PIK3CD: variants seen among roughly 807,000 people sequenced by gnomAD.
The protein encoded by PIK3CD is phosphatidylinositol 4,5-bisphosphate 3-kinase catalytic subunit delta isoform.
PIK3CD carries 20 observed loss-of-function variants against 122.9 expected under a neutral mutation model. The ratio of observed to expected loss-of-function variants is 0.16; its 90% confidence interval spans 0.11 to 0.24. The LOEUF is 0.24. PIK3CD is among the 10% of genes least tolerant of loss of function. PIK3CD has a pLI of 1.00. For missense variants in PIK3CD, 787 were observed against 1,406.3 expected, an observed-to-expected ratio of 0.56 and a Z score of 7.04; for synonymous variants, 596 against 593.4, an observed-to-expected ratio of 1.00 and a Z score of -0.06.
chr1:9,716,024 C>A lies in PIK3CD; in HGVS notation c.546C>A (p.Thr182=), dbSNP rs1312081809. The change falls in exon 5 of 24, where the codon ACC becomes ACA. Residue 182 remains threonine, a synonymous_variant. Transcript: ENST00000377346. ...EPSAQTWGPG[T]LRLPNRALLV... is the part of the protein sequence containing the mutation. ...CGGCTCAAACCTGGGGGCCTGGTAC[C>A]CTGCGGCTCCCGAACCGGGCCCTTC... 6 of 1,612,528 alleles carry A rather than the reference C, an allele frequency of 3.7e-6. No homozygotes were observed. Among genetic ancestry groups the A allele is most frequent in the Non-Finnish European group, 5.1e-6 (6 of 1,179,968 alleles).
rs1650099655 is a variant in PIK3CD, at chr1:9,728,788, A to ATATT, written c.*1744_*1747dup. 6.6e-6 allele frequency: 1 copy of ATATT among 152,236 alleles called. No homozygotes were observed. The highest frequency in any genetic ancestry group is 1.5e-5 in the Non-Finnish European group (1 of 68,046). The allele number at this position is 152,236 out of a possible 1,614,324, so 9.4% of individuals were successfully genotyped here. On this transcript the variant is annotated 3_prime_UTR_variant, in exon 24 of 24. Transcript: ENST00000377346. ...CAGTCTTGTGTGCCTGGCGAGAAGA[A>ATATT]TATTTTCTATTTTTTTAAGTCATTT...
Position 9,723,715 on chromosome 1 carries a change from G to A in PIK3CD, c.2595-254G>A, listed in dbSNP as rs113651957. 1.3e-5 allele frequency among the ~76,000 whole-genome samples: 2 copies of A among 152,280 alleles called. No homozygotes were observed. The highest frequency in any genetic ancestry group is 4.8e-5 in the African/African-American group (2 of 41,554). ...TGTCTGTGATGCCTCTCTGCATGTG[G>A]TCTCCTCATTTAGCAGCCTCACCTT... On this transcript the variant is annotated intron_variant, in intron 20 of 23. Transcript: ENST00000377346. This position sits in a 1 kb window ranked among gnomAD's most constrained non-coding sequence, Gnocchi z 4.9.
intron 1 of PIK3CD, among the ~76,000 whole-genome samples, chr1:9,670,624 G>A (rs1034128595): frequency 1.3e-5 from 2 of 152,156 alleles, no homozygotes; most frequent in African/African-American, 4.8e-5. Flanking sequence ...TTGTCGTAGA[G>A]ATGTCGTAAA....
the PIK3CD span, among the ~76,000 whole-genome samples, chr1:9,643,556 C>T: frequency 2.6e-5 from 4 of 152,040 alleles, no homozygotes; most frequent in South Asian, 8.3e-4. Context: ...CAGAAACATC[C>T]AATCCTGCAA....
At chr1:9,688,504 C>T (rs1646059115) in intron 1 of PIK3CD, among the ~76,000 whole-genome samples, 1 of 152,218 alleles carries the variant, frequency 6.6e-6, no homozygotes, top group Admixed American at 6.5e-5. Context: ...GGCTTCCCCA[C>T]TTACAACCAA....
the PIK3CD span, among the ~76,000 whole-genome samples, chr1:9,638,743 A>AC: frequency 2.7e-5 from 4 of 150,632 alleles, no homozygotes; most frequent in African/African-American, 9.8e-5. Context: ...AAAAAAAAAA[A>AC]AAAAAAACTT....
rs1362064023 is a variant in PIK3CD at position 9,689,340 on chromosome 1, G to A, written c.-137-2127G>A. 1.3e-5 allele frequency among the ~76,000 whole-genome samples: 2 copies of A among 152,024 alleles called. No homozygotes were observed. The highest frequency in any genetic ancestry group is 2.9e-5 in the Non-Finnish European group (2 of 67,956). ...CTGGGCCTCCGGGCGAGAACAGCGG[G>A]GGTCGGGGAGGATTTGCAGCGTCCA... On this transcript the variant is annotated intron_variant, in intron 1 of 23. Coordinates refer to ENST00000377346, the MANE Select transcript of PIK3CD (RefSeq NM_005026.5). The surrounding 1 kb of genome is among the most constrained non-coding windows in gnomAD (Gnocchi z 6.1).
chr1:9,723,087 A>T lies in PIK3CD; in HGVS notation c.2427-38A>T. On this transcript the variant is annotated intron_variant, in intron 19 of 23. Transcript: ENST00000377346. The surrounding 1 kb of genome is among the most constrained non-coding windows in gnomAD (Gnocchi z 4.9). ...CAAGTGGCCTCAGGGACAGCCCTTG[A>T]CCATGCCATTTGCCCGTCCCTCTTC... 1 of 1,608,076 alleles carries T rather than the reference A, an allele frequency of 6.2e-7. No homozygotes were observed. Among genetic ancestry groups the T allele is most frequent in the Non-Finnish European group, 8.5e-7 (1 of 1,175,642 alleles).
intron 1 of PIK3CD, among the ~76,000 whole-genome samples, chr1:9,690,004 G>A (rs1203851407): frequency 6.6e-6 from 1 of 152,176 alleles, no homozygotes; most frequent in Non-Finnish European, 1.5e-5. Flanking sequence ...AGGTTTCTCC[G>A]CTGCCGCCCT....
rs28730671 is a variant in PIK3CD at position 9,717,611 on chromosome 1, C to T, written c.1005C>T (p.Ala335=). 6,400 of 1,614,052 alleles carry T rather than the reference C, an allele frequency of 4.0e-3. 126 individuals are homozygous for T. The East Asian group carries it at 0.047, about 12-fold the overall frequency. ...IELIQGSKVN[A]DERMKLVVQA... is the part of the protein sequence containing the mutation. ...TCATCCAGGGCAGCAAAGTGAACGC[C>T]GACGAGCGGATGAAGGTGGGGCTCC... is the stretch of plus-strand genomic sequence containing the variant. Residue 335 remains alanine (A), a synonymous_variant, in exon 8 of 24, where the codon GCC becomes GCT. Transcript: ENST00000377346. This position sits in a 1 kb window ranked among gnomAD's most constrained non-coding sequence, Gnocchi z 5.4.
chr1:9,717,640 G>C lies in PIK3CD; in HGVS notation c.1020+14G>C. The C allele has an allele frequency of 6.2e-7, 1 of 1,612,430 alleles. No individual in the cohort carries two copies. The highest frequency in any genetic ancestry group is 1.1e-5 in the South Asian group (1 of 91,044). ...GAGCGGATGAAGGTGGGGCTCCTGG[G>C]ATAGGTGGGAGAGACACTGTTTTTT... On this transcript the variant is annotated intron_variant, in intron 8 of 23. Coordinates refer to ENST00000377346, the MANE Select transcript of PIK3CD (RefSeq NM_005026.5). The surrounding 1 kb of genome is among the most constrained non-coding windows in gnomAD (Gnocchi z 5.4).
chr1:9,718,755 C>A lies in PIK3CD; in HGVS notation c.1082C>A (p.Ser361Ter). ...ATGCTGTGCAAGACGGTGTCCAGCTCGGAGGTGAGCGTGTGCTCGGAGCCC... is the reference window on the plus strand; with the variant it reads ...ATGCTGTGCAAGACGGTGTCCAGCTAGGAGGTGAGCGTGTGCTCGGAGCCC... ...NEMLCKTVSS[S>*]EVSVCSEPVW... is the part of the protein sequence containing the mutation. The change falls in exon 9 of 24, where the codon TCG becomes TAG. Residue 361 changes from serine to a stop codon, truncating the protein, a stop_gained. Transcript: ENST00000377346. LOFTEE classifies it high-confidence loss of function. This position sits in a 1 kb window ranked among gnomAD's most constrained non-coding sequence, Gnocchi z 7.2. The A allele has an allele frequency of 6.2e-7, 1 of 1,609,988 alleles. No homozygotes were observed. Among genetic ancestry groups the A allele is most frequent in the Non-Finnish European group, 8.5e-7 (1 of 1,179,938 alleles).
chr1:9,674,084 A>G (rs893161207), intron 1 of PIK3CD, among the ~76,000 whole-genome samples: 19 of 152,192 alleles, frequency 1.2e-4, no homozygotes, highest in African/African-American at 4.3e-4. Context: ...TCTGCTAGGT[A>G]GGAGTCAGGG....
chr1:9,718,583 T>C lies in PIK3CD; in HGVS notation c.1021-111T>C, dbSNP rs1647943353. 1.0e-6 allele frequency: 1 copy of C among 997,342 alleles called. No homozygotes were observed. The highest frequency in any genetic ancestry group is 1.5e-6 in the Non-Finnish European group (1 of 651,434). 61.8% of individuals were successfully genotyped at this position (997,342 alleles called of 1,614,324 possible). On this transcript the variant is annotated intron_variant, in intron 8 of 23. Transcript: ENST00000377346. The surrounding 1 kb of genome is among the most constrained non-coding windows in gnomAD (Gnocchi z 7.2). Reference sequence around the variant, plus strand: ...GCACCACCTTCCTTCGTGTGGGAAGTAGAGTTCAGACCCACCTGAGGACAT... The same window carrying C: ...GCACCACCTTCCTTCGTGTGGGAAGCAGAGTTCAGACCCACCTGAGGACAT...
intron 2 of PIK3CD, among the ~76,000 whole-genome samples, chr1:9,706,654 C>T (rs1163787266): frequency 6.6e-6 from 1 of 152,086 alleles, no homozygotes; most frequent in Non-Finnish European, 1.5e-5. Context: ...GATTCGATAC[C>T]AAAATAAATG....
In PIK3CD at chr1:9,715,170, C is replaced by T. The variant is rs1324889219; in HGVS notation, c.142-371C>T. Among the ~76,000 whole-genome samples the T allele has an allele frequency of 1.3e-5, 2 of 151,752 alleles. No homozygotes were observed. Among genetic ancestry groups the T allele is most frequent in the Admixed American group, 1.3e-4 (2 of 15,246 alleles). Reference sequence around the variant, plus strand: ...CCAACCTGGGCGACAGAGTGGGACTCCATCTCAAAAATAAAATAAATAGGT... The same window carrying T: ...CCAACCTGGGCGACAGAGTGGGACTTCATCTCAAAAATAAAATAAATAGGT... On this transcript the variant is annotated intron_variant, in intron 3 of 23. Coordinates refer to ENST00000377346, the MANE Select transcript of PIK3CD (RefSeq NM_005026.5). The surrounding 1 kb of genome is among the most constrained non-coding windows in gnomAD (Gnocchi z 4.1).
chr1:9,679,645 C>T (rs1331092436), intron 1 of PIK3CD, among the ~76,000 whole-genome samples: 1 of 152,148 alleles, frequency 6.6e-6, no homozygotes, highest in African/African-American at 2.4e-5. Flanking sequence ...GGTGGCCAGC[C>T]TTCCTGGAGA....
Position 9,719,435 on chromosome 1 carries a change from C to T in PIK3CD, c.1243-486C>T, listed in dbSNP as rs567329974. On this transcript the variant is annotated intron_variant, in intron 9 of 23. Coordinates refer to ENST00000377346, the MANE Select transcript of PIK3CD (RefSeq NM_005026.5). This position sits in a 1 kb window ranked among gnomAD's most constrained non-coding sequence, Gnocchi z 5.5. Reference sequence around the variant, plus strand: ...CAGCACTTTGGGAGGCCAAGGTGGTCGGCTTACAAGGTCAGGAGTTTGAGA... The same window carrying T: ...CAGCACTTTGGGAGGCCAAGGTGGTTGGCTTACAAGGTCAGGAGTTTGAGA... Among the ~76,000 whole-genome samples, 18 of 152,116 alleles carry T rather than the reference C, an allele frequency of 1.2e-4. No homozygotes were observed. Among genetic ancestry groups the T allele is most frequent in the Middle Eastern group, 3.4e-3 (1 of 292 alleles).
chr1:9,677,978 G>T (rs1419423264), intron 1 of PIK3CD, among the ~76,000 whole-genome samples: 1 of 151,634 alleles, frequency 6.6e-6, no homozygotes, highest in African/African-American at 2.4e-5. Context: ...AACCCCGTCT[G>T]TACTAAAAAT....
Sources: allele counts gnomAD v4.1 joint callset (sites outside exome capture counted in the v4.1 genomes callset), GRCh38; gene constraint gnomAD v4.1.1; non-coding constraint Gnocchi (gnomAD v3.1); transcripts MANE v1.5; gene names NCBI Gene and HGNC (gene_info 2026-07-23, HGNC 2026-07-21).